TNNI3K: variants seen among roughly 807,000 people sequenced by gnomAD.
The protein encoded by TNNI3K is serine/threonine-protein kinase TNNI3K.
A neutral mutation model predicts 114.5 loss-of-function variants in TNNI3K; 140 were observed. The observed-to-expected ratio is 1.22, with a 90% confidence interval of 1.07 to 1.41. The LOEUF (loss-of-function observed/expected upper bound fraction) is 1.41, where lower values mean the gene tolerates loss of function less well. TNNI3K is among the 40% of genes most tolerant of loss of function. The pLI is 0.00. For synonymous variants in TNNI3K, 347 were observed against 347.5 expected (o/e 1.00, Z 0.02); for missense variants, 1,125 against 1,007.6 (o/e 1.12, Z -1.58).
At chr1:74,418,110 G>C in intron 17 of TNNI3K, 2 of 442,628 alleles carry the variant, frequency 4.5e-6, no homozygotes, top group South Asian at 3.2e-5. Flanking sequence ...TGTTATATGG[G>C]ACTGTGGGAA....
intron 17 of TNNI3K, among the ~76,000 whole-genome samples, chr1:74,391,584 T>C (rs1241572810): frequency 6.6e-6 from 1 of 152,134 alleles, no homozygotes; most frequent in African/African-American, 2.4e-5. Context: ...CTGTTAGACA[T>C]TTAAGAAGAG....
chr1:74,398,215 T>C (rs1664184313), intron 17 of TNNI3K, among the ~76,000 whole-genome samples: 1 of 152,178 alleles, frequency 6.6e-6, no homozygotes, highest in African/African-American at 2.4e-5. Context: ...ATTCAGACCC[T>C]AATTTTCTAA....
intron 18 of TNNI3K, 102 bp downstream of exon 18, chr1:74,436,234 T>C: frequency 7.0e-7 from 1 of 1,436,784 alleles, no homozygotes; most frequent in Non-Finnish European, 9.6e-7. Flanking sequence ...CACTGACAGC[T>C]ATACTACACT....
At chr1:74,421,280 C>T (rs548470555) in intron 17 of TNNI3K, among the ~76,000 whole-genome samples, 2 of 152,048 alleles carry the variant, frequency 1.3e-5, no homozygotes, top group African/African-American at 2.4e-5. Context: ...ATTTAAAGAA[C>T]TGAAAGGATG....
intron 23 of TNNI3K, among the ~76,000 whole-genome samples, chr1:74,510,447 G>T (rs1485758468): frequency 6.6e-6 from 1 of 152,116 alleles, no homozygotes; most frequent in Non-Finnish European, 1.5e-5. Context: ...GGTGGAGCTT[G>T]CAGAGAGCCG....
At chr1:74,358,892 A>G (rs1472925923) in intron 11 of TNNI3K, among the ~76,000 whole-genome samples, 5 of 152,164 alleles carry the variant, frequency 3.3e-5, no homozygotes, top group African/African-American at 1.2e-4. Flanking sequence ...ATGGATAGTA[A>G]AAGAGAACTT....
At chr1:74,314,855 G>A (rs1332292623) in intron 5 of TNNI3K, among the ~76,000 whole-genome samples, 1 of 152,088 alleles carries the variant, frequency 6.6e-6, no homozygotes, top group East Asian at 1.9e-4. Flanking sequence ...TTTACATTTT[G>A]CTAGAGCTTA....
intron 21 of TNNI3K, among the ~76,000 whole-genome samples, chr1:74,488,773 A>G (rs1668892888): frequency 6.6e-6 from 1 of 152,210 alleles, no homozygotes; most frequent in East Asian, 1.9e-4. Context: ...TGATCTTTTC[A>G]AAAGTGAAGT....
chr1:74,541,068 T>C (rs1319875927), intron 24 of TNNI3K, among the ~76,000 whole-genome samples: 2 of 152,150 alleles, frequency 1.3e-5, no homozygotes, highest in African/African-American at 4.8e-5. Flanking sequence ...AATGGGCCCA[T>C]TTATCCATTG....
chr1:74,435,958 G>A (rs1053052940), intron 17 of TNNI3K, 122 bp from the exon 18 acceptor site: 6 of 1,276,408 alleles, frequency 4.7e-6, no homozygotes, highest in Admixed American at 4.9e-5. Flanking sequence ...AGCCCTTTGG[G>A]GCCCATTTAT....
At chr1:74,240,837 T>G (rs1654150269) in intron 2 of TNNI3K, 1 of 152,040 alleles carries the variant, frequency 6.6e-6, no homozygotes, top group African/African-American at 2.4e-5. Context: ...AACATGCAGG[T>G]TAGTTACATA....
At chr1:74,309,954 G>A (rs1403745665) in intron 5 of TNNI3K, among the ~76,000 whole-genome samples, 1 of 152,266 alleles carries the variant, frequency 6.6e-6, no homozygotes, top group East Asian at 1.9e-4. Context: ...GGAAGTTGTA[G>A]ACAGAGCAAT....
intron 7 of TNNI3K, 145 bp from the exon 8 acceptor site, chr1:74,342,696 GC>G: frequency 1.0e-6 from 1 of 1,004,170 alleles, no homozygotes; most frequent in Non-Finnish European, 1.4e-6. Flanking sequence ...AAAATTGGTC[GC>G]CCTTAATTTC....
intron 5 of TNNI3K, among the ~76,000 whole-genome samples, chr1:74,299,543 T>C (rs1452125738): frequency 6.6e-6 from 1 of 152,150 alleles, no homozygotes; most frequent in African/African-American, 2.4e-5. Context: ...GTTTTCAGTA[T>C]GCCAGGTATT....
intron 5 of TNNI3K, among the ~76,000 whole-genome samples, chr1:74,272,244 A>T (rs1656395614): frequency 6.6e-6 from 1 of 151,916 alleles, no homozygotes; most frequent in East Asian, 1.9e-4. Context: ...AAAGTCAGGC[A>T]AAATTTTCAT....
chr1:74,446,061 G>C (rs1248317667), intron 20 of TNNI3K, among the ~76,000 whole-genome samples: 2 of 151,874 alleles, frequency 1.3e-5, no homozygotes, highest in Non-Finnish European at 2.9e-5. Flanking sequence ...ACCCAGTAAT[G>C]GGATGGCTGG....
chr1:74,320,600 C>A (rs1445257351), intron 5 of TNNI3K, among the ~76,000 whole-genome samples: 1 of 152,174 alleles, frequency 6.6e-6, no homozygotes, highest in African/African-American at 2.4e-5. Context: ...ACAAGATTAA[C>A]CCTTGAGCCC....
chr1:74,480,368 C>G (rs1668425639), intron 21 of TNNI3K: 2 of 717,548 alleles, frequency 2.8e-6, no homozygotes, highest in African/African-American at 3.5e-5. Context: ...AATGTAGTTT[C>G]TTAAAAACCG....
intron 17 of TNNI3K, chr1:74,371,049 C>G (rs1662570757): frequency 6.6e-6 from 1 of 151,824 alleles, no homozygotes; most frequent in Non-Finnish European, 1.5e-5. Context: ...GAGAGAGATT[C>G]CTGCACCACC....
Sources: allele counts gnomAD v4.1 joint callset (sites outside exome capture counted in the v4.1 genomes callset), GRCh38; gene constraint gnomAD v4.1.1; transcripts MANE v1.5; gene names NCBI Gene and HGNC (gene_info 2026-07-23, HGNC 2026-07-21).